The following DAB1 variants were observed in gnomAD, a reference collection of about 807,000 sequenced individuals.
DAB1 encodes disabled homolog 1.
In DAB1, 15 loss-of-function variants were observed where a neutral mutation model predicts 64.6. The observed-to-expected ratio is 0.23, with a 90% CI of 0.16 to 0.36. The LOEUF is 0.36. Ranked by LOEUF, DAB1 falls within the 10% of genes least tolerant of loss-of-function variation. The pLI is 1.00. For missense variants in DAB1, 596 were observed against 706.7 expected, an observed-to-expected ratio of 0.84 and a Z score of 1.78; for synonymous variants, 235 against 251.9, an observed-to-expected ratio of 0.93 and a Z score of 0.64.
chr1:57,961,272 A>G (rs1645514716), intron 5 of DAB1, among the ~76,000 whole-genome samples: 2 of 152,232 alleles, frequency 1.3e-5, no homozygotes, highest in Non-Finnish European at 2.9e-5. Context: ...GTCTACATAT[A>G]CATATAATAA....
intron 6 of DAB1, among the ~76,000 whole-genome samples, chr1:57,715,594 T>C (rs374932189): frequency 2.6e-5 from 4 of 152,326 alleles, no homozygotes; most frequent in African/African-American, 9.6e-5. Flanking sequence ...TGTAAAGTTG[T>C]AGGATATAAA....
intron 9 of DAB1, among the ~76,000 whole-genome samples, chr1:57,058,516 A>G (rs1307041058): frequency 6.6e-6 from 1 of 152,214 alleles, no homozygotes; most frequent in Non-Finnish European, 1.5e-5. Context: ...CATGAATATG[A>G]TATGATTCCT....
At chr1:57,294,276 CA>C (rs1441630799) in intron 1 of DAB1, among the ~76,000 whole-genome samples, 1 of 152,186 alleles carries the variant, frequency 6.6e-6, no homozygotes, top group Non-Finnish European at 1.5e-5. Context: ...ACACAATCTG[CA>C]GTAATTTAAT....
intron 4 of DAB1, among the ~76,000 whole-genome samples, chr1:58,224,532 A>G (rs1659355363): frequency 1.3e-5 from 2 of 152,346 alleles, no homozygotes; most frequent in Middle Eastern, 3.4e-3. Context: ...ATAGGCAACT[A>G]TCAATCTCTT....
At chr1:57,482,222 G>T (rs1334414304) in intron 7 of DAB1, among the ~76,000 whole-genome samples, 1 of 152,096 alleles carries the variant, frequency 6.6e-6, no homozygotes, top group Non-Finnish European at 1.5e-5. Flanking sequence ...GATAAAAAAT[G>T]CAGGTGCTGT....
At chr1:57,007,267 T>G (rs943215005) in intron 14 of DAB1, among the ~76,000 whole-genome samples, 1 of 152,254 alleles carries the variant, frequency 6.6e-6, no homozygotes, top group African/African-American at 2.4e-5. Context: ...CTACTCTGAC[T>G]TGACAGCTGG....
intron 7 of DAB1, among the ~76,000 whole-genome samples, chr1:57,545,719 C>G (rs1474181845): frequency 2.6e-5 from 4 of 152,182 alleles, no homozygotes; most frequent in African/African-American, 9.7e-5. Context: ...TTGGCTCCCA[C>G]CTCATGTTAT....
At chr1:57,176,508 G>A (rs570498798) in intron 2 of DAB1, among the ~76,000 whole-genome samples, 1 of 152,160 alleles carries the variant, frequency 6.6e-6, no homozygotes, top group Non-Finnish European at 1.5e-5. Flanking sequence ...GGAATTGTGG[G>A]AGTTACAATT....
At chr1:58,227,921 A>C (rs1009991843) in intron 4 of DAB1, among the ~76,000 whole-genome samples, 4 of 152,222 alleles carry the variant, frequency 2.6e-5, no homozygotes, top group Non-Finnish European at 5.9e-5. Context: ...AACTCTGTTA[A>C]CAGCAAGCTC....
chr1:58,443,289 T>C (rs1438272559), intron 3 of DAB1, among the ~76,000 whole-genome samples: 2 of 152,268 alleles, frequency 1.3e-5, no homozygotes, highest in Non-Finnish European at 2.9e-5. Context: ...CCTCTCACAG[T>C]ACAGGAGGCT....
intron 1 of DAB1, among the ~76,000 whole-genome samples, chr1:57,380,658 C>G (rs555382943): frequency 2.0e-5 from 3 of 152,292 alleles, no homozygotes; most frequent in African/African-American, 7.2e-5. Flanking sequence ...CCTCTAGGCT[C>G]TTACAGGGCT....
At chr1:58,337,941 C>T (rs1213648) in intron 4 of DAB1, among the ~76,000 whole-genome samples, 104,144 of 151,614 alleles carry the variant, frequency 0.69, 37,568 homozygotes, top group African/African-American at 0.92. Context: ...AGTACTATTA[C>T]GTACACTGCC....
chr1:57,879,785 C>T (rs1395787002), intron 1 of DAB1, among the ~76,000 whole-genome samples: 3 of 152,098 alleles, frequency 2.0e-5, no homozygotes, highest in Admixed American at 6.6e-5. Flanking sequence ...GGCCTCTGTC[C>T]CCTGCTGCAG....
intron 5 of DAB1, among the ~76,000 whole-genome samples, chr1:57,956,950 G>C (rs1645406561): frequency 6.6e-6 from 1 of 152,174 alleles, no homozygotes; most frequent in Non-Finnish European, 1.5e-5. Context: ...GGATCTACCA[G>C]AGCTTGTTTC....
intron 4 of DAB1, among the ~76,000 whole-genome samples, chr1:58,251,882 C>A (rs1052255936): frequency 6.6e-6 from 1 of 152,076 alleles, no homozygotes; most frequent in Non-Finnish European, 1.5e-5. Flanking sequence ...ATCAGAGTGT[C>A]CCACAGTGCT....
intron 5 of DAB1, among the ~76,000 whole-genome samples, chr1:57,902,982 C>T (rs1644498415): frequency 6.6e-6 from 1 of 152,178 alleles, no homozygotes; most frequent in Non-Finnish European, 1.5e-5. Flanking sequence ...GCCTCACAAT[C>T]ATGGCGGAAG....
At chr1:57,467,905 T>C (rs1228829324) in intron 7 of DAB1, among the ~76,000 whole-genome samples, 1 of 152,176 alleles carries the variant, frequency 6.6e-6, no homozygotes, top group Non-Finnish European at 1.5e-5. Context: ...TATTGTCTCA[T>C]TCATTCATTC....
intron 7 of DAB1, among the ~76,000 whole-genome samples, chr1:57,609,963 T>C (rs1381055791): frequency 6.6e-6 from 1 of 152,178 alleles, no homozygotes; most frequent in Non-Finnish European, 1.5e-5. Flanking sequence ...TATTTGGAAA[T>C]GGCTGCAGGG....
chr1:58,038,147 G>T (rs948332179), intron 5 of DAB1, among the ~76,000 whole-genome samples: 2 of 152,104 alleles, frequency 1.3e-5, no homozygotes, highest in African/African-American at 2.4e-5. Flanking sequence ...ATTAGAGGGG[G>T]CAAAAACCAA....
Sources: allele counts gnomAD v4.1 joint callset (sites outside exome capture counted in the v4.1 genomes callset), GRCh38; gene constraint gnomAD v4.1.1; transcripts MANE v1.5; gene names NCBI Gene and HGNC (gene_info 2026-07-23, HGNC 2026-07-21).